The following TRPM3 variants were observed in gnomAD, a reference collection of about 807,000 sequenced individuals.
The protein encoded by TRPM3 is long transient receptor potential channel 3.
TRPM3 carries 77 observed loss-of-function variants against 181.2 expected under a neutral mutation model. That is an observed-to-expected ratio of 0.42 (90% CI 0.35 to 0.51). TRPM3 has a LOEUF of 0.51. Ranked by LOEUF, TRPM3 falls within the 20% of genes least tolerant of loss-of-function variation. The probability of loss-of-function intolerance (pLI) is 0.01; values close to 1 mark genes in which losing one functional copy is unlikely to be tolerated. For missense variants in TRPM3, 1,759 were observed against 2,196.7 expected (o/e 0.80, Z 3.98); for synonymous variants, 745 against 796.4 (o/e 0.94, Z 1.09).
At chr9:71,369,469 T>C (rs555463284) in intron 1 of TRPM3, among the ~76,000 whole-genome samples, 1 of 152,274 alleles carries the variant, frequency 6.6e-6, no homozygotes, top group Admixed American at 6.5e-5. Context: ...GTGTAGTAAA[T>C]GCAAATGAGG....
intron 1 of TRPM3, among the ~76,000 whole-genome samples, chr9:70,870,079 T>C (rs1378296026): frequency 6.6e-6 from 1 of 152,016 alleles, no homozygotes; most frequent in African/African-American, 2.4e-5. Context: ...TCTTCCCTTT[T>C]CTTGTGGATG....
intron 6 of TRPM3, among the ~76,000 whole-genome samples, chr9:70,823,513 C>T (rs1234172066): frequency 6.6e-6 from 1 of 152,228 alleles, no homozygotes; most frequent in Non-Finnish European, 1.5e-5. Context: ...TAAACGATAC[C>T]TCCTCATAGA....
At chr9:70,917,333 G>A in intron 1 of TRPM3, 1 of 1,182,914 alleles carries the variant, frequency 8.5e-7, no homozygotes, top group East Asian at 2.3e-5. Flanking sequence ...TATTGCTCCA[G>A]AATATGGAGA....
At chr9:70,618,805 G>A (rs1418139755) in intron 17 of TRPM3, 62 bp downstream of exon 17, 2 of 1,458,612 alleles carry the variant, frequency 1.4e-6, no homozygotes, top group Non-Finnish European at 1.9e-6. Flanking sequence ...GATTTTGGCT[G>A]GGAAAACTCT....
chr9:71,211,722 T>A (rs1369619724), intron 1 of TRPM3, among the ~76,000 whole-genome samples: 1 of 152,206 alleles, frequency 6.6e-6, no homozygotes, highest in African/African-American at 2.4e-5. Context: ...TATATGTGTG[T>A]CTATGTTCAA....
chr9:71,240,014 CAA>C (rs1175267577), intron 1 of TRPM3, among the ~76,000 whole-genome samples: 1 of 152,106 alleles, frequency 6.6e-6, no homozygotes, highest in Non-Finnish European at 1.5e-5. Flanking sequence ...ACAACATTTG[CAA>C]CCTAAGAATT....
chr9:70,941,999 G>A (rs1344629657), intron 1 of TRPM3, among the ~76,000 whole-genome samples: 1 of 152,028 alleles, frequency 6.6e-6, no homozygotes, highest in Non-Finnish European at 1.5e-5. Context: ...AATTCATAGG[G>A]TTTTTTTCCC....
intron 1 of TRPM3, among the ~76,000 whole-genome samples, chr9:71,012,505 A>C (rs2097754413): frequency 6.6e-6 from 1 of 151,406 alleles, no homozygotes; most frequent in Non-Finnish European, 1.5e-5. Flanking sequence ...TTCCATGTGA[A>C]CTTTACAGCC....
chr9:70,602,779 A>G (rs907798289), intron 20 of TRPM3, among the ~76,000 whole-genome samples: 1 of 152,076 alleles, frequency 6.6e-6, no homozygotes, highest in African/African-American at 2.4e-5. Context: ...AAGTGGGGGG[A>G]GAAAAGAGGG....
chr9:71,166,966 C>T (rs2076570085), intron 1 of TRPM3, among the ~76,000 whole-genome samples: 1 of 152,030 alleles, frequency 6.6e-6, no homozygotes, highest in South Asian at 2.1e-4. Context: ...ACTGTCAACA[C>T]CATTATAATT....
intron 1 of TRPM3, among the ~76,000 whole-genome samples, chr9:71,443,928 C>T (rs754056369): frequency 5.3e-5 from 8 of 152,094 alleles, no homozygotes; most frequent in Non-Finnish European, 7.4e-5. Flanking sequence ...TACCTGTAAT[C>T]CCAGCACTTC....
At chr9:70,745,203 A>C (rs775129540) in intron 8 of TRPM3, among the ~76,000 whole-genome samples, 5 of 152,154 alleles carry the variant, frequency 3.3e-5, no homozygotes, top group Non-Finnish European at 5.9e-5. Context: ...TTATTATCTA[A>C]ATTTTCTGGA....
rs72731709 is a variant in TRPM3, at chr9:70,955,882, C to A, written c.178-91371G>T. Among the ~76,000 whole-genome samples the A allele has an allele frequency of 5.1e-4, 78 of 152,116 alleles. 2 individuals carry two copies. In the East Asian group the frequency reaches 0.014, roughly 28 times the overall value. On this transcript the variant is annotated intron_variant, in intron 1 of 25. Transcript: ENST00000677713. ...GTAACCACGAGCTCACTGGGGGCAG[C>A]GCTATTATTGTTATTTGGCACATAA...
intron 1 of TRPM3, among the ~76,000 whole-genome samples, chr9:71,319,353 A>G (rs2088968779): frequency 6.6e-6 from 1 of 152,142 alleles, no homozygotes; most frequent in Admixed American, 6.6e-5. Context: ...ACACAGGCCC[A>G]AAGGACTGAG....
intron 1 of TRPM3, among the ~76,000 whole-genome samples, chr9:70,984,581 T>C (rs1590298936): frequency 6.6e-6 from 1 of 152,182 alleles, no homozygotes. Context: ...AATGGGCCAG[T>C]GACCAGAAAA....
intron 9 of TRPM3, among the ~76,000 whole-genome samples, chr9:70,676,704 G>A (rs1670557958): frequency 6.6e-6 from 1 of 152,150 alleles, no homozygotes; most frequent in South Asian, 2.1e-4. Context: ...TAGAAATGAT[G>A]TTGGGGCTCA....
intron 1 of TRPM3, among the ~76,000 whole-genome samples, chr9:71,132,444 C>G (rs1379180586): frequency 6.6e-6 from 1 of 152,098 alleles, no homozygotes; most frequent in Non-Finnish European, 1.5e-5. Flanking sequence ...GAAAGCAGAG[C>G]AATGGTTGTC....
At chr9:70,930,004 T>G (rs1340446027) in intron 1 of TRPM3, among the ~76,000 whole-genome samples, 1 of 152,148 alleles carries the variant, frequency 6.6e-6, no homozygotes, top group Non-Finnish European at 1.5e-5. Context: ...TATTCCCAAT[T>G]TACTTATGAG....
chr9:71,265,453 C>T (rs919481779), intron 1 of TRPM3, among the ~76,000 whole-genome samples: 2 of 152,170 alleles, frequency 1.3e-5, no homozygotes, highest in African/African-American at 2.4e-5. Context: ...AATGGTGACA[C>T]ATATTGGCAT....
Sources: allele counts gnomAD v4.1 joint callset (sites outside exome capture counted in the v4.1 genomes callset), GRCh38; gene constraint gnomAD v4.1.1; transcripts MANE v1.5; gene names NCBI Gene and HGNC (gene_info 2026-07-23, HGNC 2026-07-21).